Variants in GAS2 observed in about 807,000 individuals in gnomAD.
GAS2 encodes growth arrest-specific protein 2.
A neutral mutation model predicts 37.5 loss-of-function variants in GAS2; 20 were observed. That is an observed-to-expected ratio of 0.53 (90% confidence interval 0.37 to 0.77). The LOEUF (loss-of-function observed/expected upper bound fraction) is 0.77. GAS2 is among the 30% of genes least tolerant of loss of function. GAS2 has a pLI of 0.00. For missense variants in GAS2, 336 were observed against 373.4 expected, an observed-to-expected ratio of 0.90 and a Z score of 0.82; for synonymous variants, 144 against 132.2, an observed-to-expected ratio of 1.09 and a Z score of -0.61.
At position 22,790,631 on chromosome 11, in the gene GAS2, C is replaced by T. The variant is rs944707438; in HGVS notation, c.724-21167C>T. 1.1e-4 allele frequency among the ~76,000 whole-genome samples: 16 copies of T among 145,722 alleles called. 1 individual carries two copies. The highest frequency in any genetic ancestry group is 3.0e-5 in the Non-Finnish European group (2 of 67,128). ...TTTTGACAGAGTCTCGCTCAGTCAC[C>T]AGGTTATTTTTGGTAGAGACAGGGT... On this transcript the variant is annotated intron_variant, in intron 7 of 7. Coordinates refer to ENST00000454584, the MANE Select transcript of GAS2 (RefSeq NM_001143830.3).
chr11:22,700,851 T>C lies in GAS2; in HGVS notation c.267+15062T>C, dbSNP rs1021171097. Reference sequence around the variant, plus strand: ...AAAATTAAATTGTAGGGCTTTTAGGTAACAGGTTCTCAAAAGATGTTTTTG... The same window carrying C: ...AAAATTAAATTGTAGGGCTTTTAGGCAACAGGTTCTCAAAAGATGTTTTTG... On this transcript the variant is annotated intron_variant, in intron 3 of 7. Coordinates refer to ENST00000454584, the MANE Select transcript of GAS2 (RefSeq NM_001143830.3). 7.2e-5 allele frequency among the ~76,000 whole-genome samples: 11 copies of C among 152,144 alleles called. 1 individual carries two copies. The highest frequency in any genetic ancestry group is 1.5e-4 in the Non-Finnish European group (10 of 67,996).
intron 7 of GAS2, among the ~76,000 whole-genome samples, chr11:22,790,942 G>A (rs932009097): frequency 5.9e-5 from 9 of 152,116 alleles, no homozygotes; most frequent in Non-Finnish European, 8.8e-5. Flanking sequence ...AAATAAAACA[G>A]CTATATAAAT....
At chr11:22,807,107 A>G (rs1016615482) in intron 7 of GAS2, among the ~76,000 whole-genome samples, 1 of 152,220 alleles carries the variant, frequency 6.6e-6, no homozygotes, top group Non-Finnish European at 1.5e-5. Flanking sequence ...TAGAAACAGA[A>G]AAGCAAAGAA....
intron 3 of GAS2, among the ~76,000 whole-genome samples, chr11:22,706,861 G>A (rs1312198428): frequency 6.6e-6 from 1 of 152,054 alleles, no homozygotes; most frequent in Non-Finnish European, 1.5e-5. Context: ...GTAATAGGAT[G>A]GCTGGGTCAA....
At chr11:22,756,609 A>G (rs1488179653) in intron 7 of GAS2, among the ~76,000 whole-genome samples, 1 of 152,096 alleles carries the variant, frequency 6.6e-6, no homozygotes, top group East Asian at 1.9e-4. Context: ...TTTGACCAAA[A>G]CTTATTGGTA....
In GAS2 at chr11:22,786,233, A is replaced by T. The variant is rs79897918; in HGVS notation, c.724-25565A>T. On this transcript the variant is annotated intron_variant, in intron 7 of 7. Transcript: ENST00000454584. ...AGATTTACATTTACATGAGTTGGAT[A>T]AAAAAAAATTGTGAAAATGAACTTC... 1.2e-3 allele frequency among the ~76,000 whole-genome samples: 182 copies of T among 151,374 alleles called. 2 individuals are homozygous for T. In the East Asian group the frequency reaches 0.026, roughly 22 times the overall value.
chr11:22,786,083 A>G (rs978805298), intron 7 of GAS2, among the ~76,000 whole-genome samples: 3 of 152,168 alleles, frequency 2.0e-5, no homozygotes, highest in Non-Finnish European at 4.4e-5. Flanking sequence ...TTATTGTTCT[A>G]TCTGTCCACA....
At chr11:22,695,373 G>A (rs1303756953) in intron 3 of GAS2, among the ~76,000 whole-genome samples, 2 of 152,004 alleles carry the variant, frequency 1.3e-5, no homozygotes, top group Non-Finnish European at 1.5e-5. Context: ...TTTAAGGACA[G>A]AGCCATTGTT....
chr11:22,720,347 G>T (rs1421513930), intron 3 of GAS2, among the ~76,000 whole-genome samples: 1 of 151,900 alleles, frequency 6.6e-6, no homozygotes, highest in Admixed American at 6.6e-5. Context: ...ACTGCTTGAG[G>T]CACAGGGTCT....
intron 1 of GAS2, among the ~76,000 whole-genome samples, chr11:22,653,186 G>T (rs545571689): frequency 2.1e-4 from 31 of 149,230 alleles, no homozygotes; most frequent in Non-Finnish European, 3.7e-4. Context: ...ACACTCATTT[G>T]CTTCTATATA....
chr11:22,679,737 T>A lies in GAS2; in HGVS notation c.145+4723T>A, dbSNP rs140477763. 8.3e-3 allele frequency among the ~76,000 whole-genome samples: 1,267 copies of A among 152,236 alleles called. 21 individuals are homozygous for A. Among genetic ancestry groups the A allele is most frequent in the Non-Finnish European group, 0.014 (955 of 67,944 alleles). On this transcript the variant is annotated intron_variant, in intron 2 of 7. Transcript: ENST00000454584. ...GCATATTTTAAAGAAAGGATTATAGTTGTTAAACATGAAATAAAATTGTTC... is the reference window on the plus strand; with the variant it reads ...GCATATTTTAAAGAAAGGATTATAGATGTTAAACATGAAATAAAATTGTTC...
At chr11:22,796,938 G>A (rs548882591) in intron 7 of GAS2, among the ~76,000 whole-genome samples, 58 of 152,168 alleles carry the variant, frequency 3.8e-4, no homozygotes, top group Non-Finnish European at 7.4e-4. Flanking sequence ...CTGTGGAGTG[G>A]ATAAATTCTA....
chr11:22,701,188 A>T (rs1204692980), intron 3 of GAS2, among the ~76,000 whole-genome samples: 1 of 152,250 alleles, frequency 6.6e-6, no homozygotes, highest in South Asian at 2.1e-4. Flanking sequence ...ATTAAACAAT[A>T]GGTAACTCAA....
At chr11:22,787,048 C>A (rs1855850743) in intron 7 of GAS2, among the ~76,000 whole-genome samples, 2 of 152,076 alleles carry the variant, frequency 1.3e-5, no homozygotes, top group Non-Finnish European at 2.9e-5. Flanking sequence ...CACATGAATT[C>A]TTTTTCTTCA....
chr11:22,697,021 G>A lies in GAS2; in HGVS notation c.267+11232G>A, dbSNP rs1159554091. On this transcript the variant is annotated intron_variant, in intron 3 of 7. Coordinates refer to ENST00000454584, the MANE Select transcript of GAS2 (RefSeq NM_001143830.3). ...TTTTAGACATGAAGTCCTTGCCCATGCCTATGTCCTGAATGGTAATGCCTA... is the reference window on the plus strand; with the variant it reads ...TTTTAGACATGAAGTCCTTGCCCATACCTATGTCCTGAATGGTAATGCCTA... 8.4e-3 allele frequency among the ~76,000 whole-genome samples: 1,266 copies of A among 151,612 alleles called. 14 individuals are homozygous for A. The highest frequency in any genetic ancestry group is 0.029 in the African/African-American group (1,198 of 41,284).
chr11:22,739,431 G>T (rs756861035), intron 5 of GAS2, among the ~76,000 whole-genome samples: 2 of 151,728 alleles, frequency 1.3e-5, no homozygotes, highest in Non-Finnish European at 2.9e-5. Context: ...AAAATTAGCC[G>T]GGTGTGGTGG....
chr11:22,705,320 G>T (rs979829837), intron 3 of GAS2, among the ~76,000 whole-genome samples: 1 of 152,066 alleles, frequency 6.6e-6, no homozygotes, highest in Non-Finnish European at 1.5e-5. Context: ...ATTTTCCCAG[G>T]GGTGTGTATG....
chr11:22,664,578 T>C (rs1003633192), upstream of GAS2, among the ~76,000 whole-genome samples: 2 of 152,160 alleles, frequency 1.3e-5, no homozygotes, highest in Non-Finnish European at 2.9e-5. Context: ...TTTCATCTTA[T>C]TGAAGTATTT....
intron 3 of GAS2, among the ~76,000 whole-genome samples, chr11:22,725,924 C>T (rs1852185039): frequency 6.6e-6 from 1 of 151,974 alleles, no homozygotes; most frequent in Non-Finnish European, 1.5e-5. Context: ...TTCTCCCATT[C>T]CTCTTTCACC....
Sources: allele counts gnomAD v4.1 joint callset (sites outside exome capture counted in the v4.1 genomes callset), GRCh38; gene constraint gnomAD v4.1.1; transcripts MANE v1.5; gene names NCBI Gene and HGNC (gene_info 2026-07-23, HGNC 2026-07-21).